Variants in ZMYM2 observed in about 807,000 individuals in gnomAD.
ZMYM2 encodes zinc finger MYM-type protein 2.
In ZMYM2, 56 loss-of-function variants were observed where a neutral mutation model predicts 162.8. The ratio of observed to expected loss-of-function variants is 0.34; its 90% CI spans 0.28 to 0.43. ZMYM2 has a LOEUF of 0.43. ZMYM2 is among the 20% of genes least tolerant of loss of function. ZMYM2 has a pLI of 1.00. For synonymous variants in ZMYM2, 510 were observed against 541.6 expected (o/e 0.94, Z 0.81); for missense variants, 1,275 against 1,621.8 (o/e 0.79, Z 3.67).
intron 2 of ZMYM2, among the ~76,000 whole-genome samples, chr13:19,983,333 A>G (rs1410982570): frequency 6.6e-6 from 1 of 151,884 alleles, no homozygotes; most frequent in Non-Finnish European, 1.5e-5. Context: ...TTTAGTAGAG[A>G]TGGGGTTTTG....
chr13:19,896,449 G>A, the ZMYM2 span, among the ~76,000 whole-genome samples: 1 of 149,800 alleles, frequency 6.7e-6, no homozygotes, highest in South Asian at 2.2e-4. Flanking sequence ...CAGCCTCTAA[G>A]TACTCCTTAT....
chr13:20,082,648 T>A, intron 22 of ZMYM2, 133 bp from the exon 23 acceptor site: 3 of 775,872 alleles, frequency 3.9e-6, no homozygotes, highest in Non-Finnish European at 5.9e-6. Context: ...AATTCTAGAA[T>A]TATTCTAGTT....
intron 21 of ZMYM2, among the ~76,000 whole-genome samples, chr13:20,076,051 T>C (rs558786315): frequency 7.0e-6 from 1 of 143,564 alleles, no homozygotes; most frequent in Non-Finnish European, 1.5e-5. Flanking sequence ...TGTATATTTC[T>C]GTTTTTCATG....
At chr13:19,934,201 C>T in the ZMYM2 span, among the ~76,000 whole-genome samples, 1 of 152,148 alleles carries the variant, frequency 6.6e-6, no homozygotes, top group African/African-American at 2.4e-5. Context: ...CGATCTCTTG[C>T]CCAGGCTGGA....
the ZMYM2 span, among the ~76,000 whole-genome samples, chr13:19,947,930 T>C: frequency 3.3e-5 from 5 of 150,834 alleles, no homozygotes; most frequent in African/African-American, 1.2e-4. Flanking sequence ...CTCTATGCCA[T>C]GTAATAAAAA....
At chr13:19,928,629 T>C in the ZMYM2 span, among the ~76,000 whole-genome samples, 1 of 151,970 alleles carries the variant, frequency 6.6e-6, no homozygotes, top group Non-Finnish European at 1.5e-5. Flanking sequence ...AAACCTTGTC[T>C]CTACTAAAAA....
At chr13:19,896,422 G>A in the ZMYM2 span, among the ~76,000 whole-genome samples, 1 of 151,166 alleles carries the variant, frequency 6.6e-6, no homozygotes, top group African/African-American at 2.4e-5. Context: ...GGGATTACAG[G>A]CGTGAGCCAC....
the ZMYM2 span, among the ~76,000 whole-genome samples, chr13:19,925,243 A>G: frequency 6.6e-6 from 1 of 152,182 alleles, no homozygotes; most frequent in African/African-American, 2.4e-5. Context: ...ATTCCCACCA[A>G]CAGTGCTATT....
the ZMYM2 span, among the ~76,000 whole-genome samples, chr13:19,913,040 C>T: frequency 3.9e-5 from 6 of 152,092 alleles, 1 homozygote; most frequent in East Asian, 3.8e-4. Flanking sequence ...GAGCAAGAGA[C>T]GGGTCTGTAA....
intron 21 of ZMYM2, among the ~76,000 whole-genome samples, chr13:20,080,405 T>C (rs1593276470): frequency 6.6e-6 from 1 of 152,224 alleles, no homozygotes; most frequent in African/African-American, 2.4e-5. Flanking sequence ...TTCACTTATC[T>C]GTTCTTTTAT....
chr13:19,956,783 T>C (rs1458062344), upstream of ZMYM2, among the ~76,000 whole-genome samples: 1 of 152,222 alleles, frequency 6.6e-6, no homozygotes, highest in Non-Finnish European at 1.5e-5. Flanking sequence ...GTCTTCTAAA[T>C]GTAAATTCAA....
chr13:20,020,304 G>A (rs1371349889), intron 7 of ZMYM2, among the ~76,000 whole-genome samples: 3 of 148,052 alleles, frequency 2.0e-5, no homozygotes, highest in Admixed American at 6.9e-5. Flanking sequence ...GCACCATCTC[G>A]GCTCACCGCA....
intron 2 of ZMYM2, among the ~76,000 whole-genome samples, chr13:19,975,861 A>AATTATGTATGT (rs1555280801): frequency 6.8e-6 from 1 of 146,890 alleles, no homozygotes; most frequent in East Asian, 2.0e-4. Context: ...CCATTTTTAA[A>AATTATGTATGT]ATGTATGTAT....
intron 16 of ZMYM2, among the ~76,000 whole-genome samples, chr13:20,060,822 G>A (rs1253534017): frequency 6.6e-6 from 1 of 152,092 alleles, no homozygotes; most frequent in African/African-American, 2.4e-5. Flanking sequence ...AGTCCCCTGG[G>A]GGACAGAAAT....
the ZMYM2 span, among the ~76,000 whole-genome samples, chr13:19,940,945 A>C: frequency 1.9e-3 from 286 of 152,334 alleles, 1 homozygote; most frequent in African/African-American, 6.6e-3. Flanking sequence ...GACTAGAGAG[A>C]TAGAGCTATA....
At chr13:19,994,441 A>C (rs1202445106) in intron 3 of ZMYM2, among the ~76,000 whole-genome samples, 1 of 152,238 alleles carries the variant, frequency 6.6e-6, no homozygotes, top group Non-Finnish European at 1.5e-5. Flanking sequence ...GAACCAAAAG[A>C]TTAATATAAT....
intron 12 of ZMYM2, among the ~76,000 whole-genome samples, chr13:20,048,776 T>TA (rs1339115697): frequency 6.7e-6 from 1 of 148,934 alleles, no homozygotes; most frequent in East Asian, 2.0e-4. Flanking sequence ...ACCTGGCTGT[T>TA]ACTTAGATTT....
chr13:20,017,890 G>C (rs150402530), intron 6 of ZMYM2, among the ~76,000 whole-genome samples: 14 of 152,024 alleles, frequency 9.2e-5, no homozygotes, highest in African/African-American at 3.4e-4. Context: ...TGTAATTTTG[G>C]TGTTGGCATC....
At chr13:20,017,358 T>C (rs1951712980) in intron 6 of ZMYM2, among the ~76,000 whole-genome samples, 1 of 152,120 alleles carries the variant, frequency 6.6e-6, no homozygotes, top group African/African-American at 2.4e-5. Flanking sequence ...ATTTCAACTG[T>C]ATTTCACCTA....
Sources: allele counts gnomAD v4.1 joint callset (sites outside exome capture counted in the v4.1 genomes callset), GRCh38; gene constraint gnomAD v4.1.1; transcripts MANE v1.5; gene names NCBI Gene and HGNC (gene_info 2026-07-23, HGNC 2026-07-21).